LHFPL6: variants seen among roughly 807,000 people sequenced by gnomAD.
LHFPL6 encodes the protein LHFPL tetraspan subfamily member 6, also known as LHFPL tetraspan subfamily member 6 protein.
LHFPL6 carries 9 observed loss-of-function variants against 20.6 expected under a neutral mutation model. The ratio of observed to expected loss-of-function variants is 0.44; its 90% CI spans 0.26 to 0.76. The LOEUF (loss-of-function observed/expected upper bound fraction) is 0.76, where lower values mean the gene tolerates loss of function less well. Among genes scored for constraint, LHFPL6 ranks in the 30% least tolerant of loss-of-function variants. LHFPL6 has a pLI of 0.20. For missense variants in LHFPL6, 218 were observed against 253.5 expected (o/e 0.86, Z 0.95); for synonymous variants, 105 against 98.7 (o/e 1.06, Z -0.38).
intron 2 of LHFPL6, among the ~76,000 whole-genome samples, chr13:39,595,265 G>T (rs1872736369): frequency 1.3e-5 from 2 of 152,126 alleles, no homozygotes; most frequent in Admixed American, 1.3e-4. Context: ...GCTCTCACTG[G>T]TGCTCACTGT....
rs377203382 is a variant in LHFPL6 at position 39,536,657 on chromosome 13, C to T, written c.385+64175G>A. ...CTATTGTCCAGTCCAGCAGCTCTCC[C>T]TATCTTTTCCGATCCTTCCCCCTTT... On this transcript the variant is annotated intron_variant, in intron 2 of 3. Transcript: ENST00000379589. 1.1e-4 allele frequency among the ~76,000 whole-genome samples: 16 copies of T among 152,316 alleles called. 1 individual carries two copies. In the East Asian group the frequency reaches 2.7e-3, roughly 26 times the overall value.
chr13:39,425,067 T>C (rs1871604069), intron 2 of LHFPL6, among the ~76,000 whole-genome samples: 1 of 152,180 alleles, frequency 6.6e-6, no homozygotes, highest in Middle Eastern at 3.4e-3. Flanking sequence ...CTTCCACCCC[T>C]GCCAGCACTT....
chr13:39,564,656 TC>T (rs1871654823), intron 2 of LHFPL6, among the ~76,000 whole-genome samples: 3 of 152,302 alleles, frequency 2.0e-5, no homozygotes, highest in Admixed American at 6.5e-5. Flanking sequence ...AATATGTAAG[TC>T]AAAAGTATCT....
At chr13:39,543,576 C>A (rs1870877962) in intron 2 of LHFPL6, among the ~76,000 whole-genome samples, 1 of 152,146 alleles carries the variant, frequency 6.6e-6, no homozygotes, top group African/African-American at 2.4e-5. Context: ...ACCTGCCATT[C>A]ATTTTCCCTG....
chr13:39,508,364 C>T (rs1413490979), intron 2 of LHFPL6, among the ~76,000 whole-genome samples: 1 of 152,136 alleles, frequency 6.6e-6, no homozygotes, highest in Non-Finnish European at 1.5e-5. Context: ...CTGAAGTACA[C>T]AATTGATAAA....
At chr13:39,596,191 G>A (rs1487856281) in intron 2 of LHFPL6, among the ~76,000 whole-genome samples, 1 of 152,078 alleles carries the variant, frequency 6.6e-6, no homozygotes. Flanking sequence ...ACAATTTGTT[G>A]TGACAAGAAC....
intron 2 of LHFPL6, among the ~76,000 whole-genome samples, chr13:39,558,840 C>T (rs1010229717): frequency 2.6e-5 from 4 of 152,142 alleles, no homozygotes; most frequent in Non-Finnish European, 4.4e-5. Context: ...CTTTAAATAC[C>T]ACTCTGTTTG....
At chr13:39,558,474 T>C (rs57628663) in intron 2 of LHFPL6, among the ~76,000 whole-genome samples, 8,413 of 152,314 alleles carry the variant, frequency 0.055, 377 homozygotes, top group African/African-American at 0.12. Flanking sequence ...AACTGTATAA[T>C]GCGCTTCTTT....
chr13:39,505,678 C>T (rs951392804), intron 2 of LHFPL6, among the ~76,000 whole-genome samples: 11 of 152,002 alleles, frequency 7.2e-5, no homozygotes, highest in Non-Finnish European at 5.9e-5. Flanking sequence ...TCCTTCTCAC[C>T]GAATGTGTCA....
chr13:39,566,176 T>C (rs1047852616), intron 2 of LHFPL6, among the ~76,000 whole-genome samples: 11 of 152,122 alleles, frequency 7.2e-5, no homozygotes, highest in Non-Finnish European at 8.8e-5. Flanking sequence ...GAGGTAGAAG[T>C]CTTCATACAG....
intron 2 of LHFPL6, among the ~76,000 whole-genome samples, chr13:39,599,450 T>A (rs1449041175): frequency 1.3e-5 from 2 of 152,268 alleles, no homozygotes; most frequent in Non-Finnish European, 2.9e-5. Flanking sequence ...TTTAAGTACA[T>A]ACCTGTGTAA....
intron 2 of LHFPL6, among the ~76,000 whole-genome samples, chr13:39,585,332 G>C (rs1247967095): frequency 2.6e-5 from 4 of 152,146 alleles, no homozygotes; most frequent in Non-Finnish European, 5.9e-5. Flanking sequence ...CCAAAAATGT[G>C]ATATGGCAAA....
At chr13:39,427,790 T>C (rs1160526332) in intron 2 of LHFPL6, among the ~76,000 whole-genome samples, 2 of 152,188 alleles carry the variant, frequency 1.3e-5, no homozygotes, top group Admixed American at 1.3e-4. Flanking sequence ...TGAATTGTAA[T>C]CCCCAGTGTT....
At chr13:39,373,069 G>C (rs199824541) in intron 3 of LHFPL6, among the ~76,000 whole-genome samples, 11 of 152,306 alleles carry the variant, frequency 7.2e-5, no homozygotes, top group African/African-American at 2.6e-4. Context: ...AATACTTCCT[G>C]AGGAAGCTCA....
At chr13:39,589,548 T>G (rs1459436313) in intron 2 of LHFPL6, among the ~76,000 whole-genome samples, 1 of 152,032 alleles carries the variant, frequency 6.6e-6, no homozygotes, top group East Asian at 1.9e-4. Flanking sequence ...ATTCCTGGAC[T>G]TTTTTTTATT....
At chr13:39,541,286 A>T (rs962682732) in intron 2 of LHFPL6, among the ~76,000 whole-genome samples, 9 of 152,222 alleles carry the variant, frequency 5.9e-5, no homozygotes, top group Non-Finnish European at 2.9e-5. Flanking sequence ...TTTGAACACC[A>T]ATGAAGTCCA....
intron 2 of LHFPL6, among the ~76,000 whole-genome samples, chr13:39,458,095 A>G (rs897056731): frequency 3.9e-5 from 6 of 152,316 alleles, no homozygotes; most frequent in African/African-American, 1.2e-4. Context: ...CAATTACATA[A>G]TGGAGAAATA....
intron 2 of LHFPL6, among the ~76,000 whole-genome samples, chr13:39,435,324 A>G (rs1327097291): frequency 6.6e-6 from 1 of 152,158 alleles, no homozygotes; most frequent in African/African-American, 2.4e-5. Flanking sequence ...AAGTGAACCC[A>G]CATTGACAGT....
chr13:39,400,782 C>CA (rs34833321), intron 2 of LHFPL6, among the ~76,000 whole-genome samples: 6,389 of 53,460 alleles, frequency 0.12, 1,913 homozygotes, highest in South Asian at 0.22. Flanking sequence ...GACTCCGTCT[C>CA]AAAAAAAAAA....
Sources: allele counts gnomAD v4.1 joint callset (sites outside exome capture counted in the v4.1 genomes callset), GRCh38; gene constraint gnomAD v4.1.1; transcripts MANE v1.5; gene names NCBI Gene and HGNC (gene_info 2026-07-23, HGNC 2026-07-21).